Variants in FLT1 observed in about 807,000 individuals in gnomAD.
FLT1 encodes fms related receptor tyrosine kinase 1, also known as vascular endothelial growth factor receptor 1.
A neutral mutation model predicts 156.3 loss-of-function variants in FLT1; 49 were observed. That is an observed-to-expected ratio of 0.31 (90% CI 0.25 to 0.40). The LOEUF is 0.40. Among genes scored for constraint, FLT1 ranks in the 10% least tolerant of loss-of-function variants. FLT1 has a pLI of 1.00. For synonymous variants in FLT1, 594 were observed against 583.8 expected (o/e 1.02, Z -0.25); for missense variants, 1,322 against 1,637.2 (o/e 0.81, Z 3.32).
At chr13:28,386,089 T>C in intron 13 of FLT1, 1 of 1,055,032 alleles carries the variant, frequency 9.5e-7, no homozygotes, top group Non-Finnish European at 1.1e-6. Context: ...AATTATACAG[T>C]ATGAGCTTTC....
chr13:28,321,697 G>T, intron 22 of FLT1, 112 bp from the exon 23 acceptor site: 2 of 1,072,296 alleles, frequency 1.9e-6, no homozygotes, highest in Non-Finnish European at 2.9e-6. Flanking sequence ...ATGCTGTGAA[G>T]GGAGCACCTC....
intron 1 of FLT1, among the ~76,000 whole-genome samples, chr13:28,481,454 C>G (rs1364477116): frequency 6.6e-6 from 1 of 150,484 alleles, no homozygotes; most frequent in Non-Finnish European, 1.5e-5. Flanking sequence ...CACACACACA[C>G]ACACACACAC....
At chr13:28,486,905 G>A (rs975097279) in intron 1 of FLT1, among the ~76,000 whole-genome samples, 1 of 152,232 alleles carries the variant, frequency 6.6e-6, no homozygotes, top group Non-Finnish European at 1.5e-5. Flanking sequence ...CCCCTGGGCA[G>A]AGGTTCTCAA....
intron 1 of FLT1, among the ~76,000 whole-genome samples, chr13:28,483,831 T>A (rs554983522): frequency 1.9e-4 from 29 of 152,228 alleles, no homozygotes; most frequent in Non-Finnish European, 4.0e-4. Context: ...ACAGTTTTTT[T>A]ATTCCAAACC....
intron 10 of FLT1, among the ~76,000 whole-genome samples, chr13:28,410,212 T>A (rs1306691278): frequency 6.6e-6 from 1 of 152,238 alleles, no homozygotes; most frequent in Non-Finnish European, 1.5e-5. Context: ...CCCCTCCCCC[T>A]ACTTAAAGCT....
intron 24 of FLT1, 97 bp downstream of exon 24, chr13:28,319,326 G>A (rs1286850166): frequency 2.5e-6 from 2 of 795,508 alleles, no homozygotes; most frequent in East Asian, 2.7e-5. Flanking sequence ...TGTTACAGTA[G>A]GTTCTAATCT....
chr13:28,392,600 G>A (rs1874807169), intron 12 of FLT1, among the ~76,000 whole-genome samples: 2 of 152,192 alleles, frequency 1.3e-5, no homozygotes, highest in African/African-American at 2.4e-5. Flanking sequence ...GAAACTTCCT[G>A]TGGAAATAGC....
intron 27 of FLT1, 129 bp downstream of exon 27, chr13:28,311,461 T>A: frequency 1.2e-6 from 1 of 837,492 alleles, no homozygotes; most frequent in South Asian, 1.7e-5. Context: ...AATCTTTCTT[T>A]CTTTCTTTCT....
intron 19 of FLT1, chr13:28,328,453 G>A (rs1871783809): frequency 6.6e-6 from 1 of 152,272 alleles, no homozygotes; most frequent in South Asian, 2.1e-4. Context: ...TCAAAGGGGA[G>A]TGACCCCGGA....
At chr13:28,407,992 T>C (rs1052276926) in intron 10 of FLT1, among the ~76,000 whole-genome samples, 2 of 152,196 alleles carry the variant, frequency 1.3e-5, no homozygotes, top group Non-Finnish European at 2.9e-5. Flanking sequence ...TATGAGTGTA[T>C]ATAATGTGCA....
At chr13:28,321,006 C>G (rs932298728) in intron 23 of FLT1, among the ~76,000 whole-genome samples, 1 of 152,166 alleles carries the variant, frequency 6.6e-6, no homozygotes. Flanking sequence ...GGGAGGTAAA[C>G]AGTCTCCTCC....
At chr13:28,412,644 C>A (rs9508027) in intron 10 of FLT1, among the ~76,000 whole-genome samples, 42,885 of 150,976 alleles carry the variant, frequency 0.28, 6,447 homozygotes, top group East Asian at 0.49. Flanking sequence ...TGGTCTCGAA[C>A]TCCTGACCTC....
At chr13:28,412,727 G>A (rs1011290826) in intron 10 of FLT1, among the ~76,000 whole-genome samples, 4 of 121,318 alleles carry the variant, frequency 3.3e-5, no homozygotes, top group Non-Finnish European at 6.6e-5. Context: ...GGCCCCTCAC[G>A]TTCTTTTTTT....
chr13:28,357,116 T>C (rs1371970870), intron 15 of FLT1, among the ~76,000 whole-genome samples: 1 of 152,236 alleles, frequency 6.6e-6, no homozygotes, highest in Admixed American at 6.5e-5. Flanking sequence ...TAGCAGCATA[T>C]GTCTAACTCC....
At chr13:28,479,776 C>A (rs1241582374) in intron 1 of FLT1, among the ~76,000 whole-genome samples, 1 of 152,160 alleles carries the variant, frequency 6.6e-6, no homozygotes, top group Non-Finnish European at 1.5e-5. Flanking sequence ...GGGATATATA[C>A]CCATACACCT....
chr13:28,406,334 G>A (rs1211660450), intron 10 of FLT1, among the ~76,000 whole-genome samples: 2 of 152,102 alleles, frequency 1.3e-5, no homozygotes, highest in Non-Finnish European at 2.9e-5. Context: ...TTTTTCCAGG[G>A]CTAATTAAGT....
At chr13:28,466,030 A>G (rs571104667) in intron 3 of FLT1, among the ~76,000 whole-genome samples, 6 of 152,014 alleles carry the variant, frequency 3.9e-5, no homozygotes, top group Non-Finnish European at 7.4e-5. Flanking sequence ...TGAAGTGCCT[A>G]CTAATATTGC....
intron 14 of FLT1, among the ~76,000 whole-genome samples, chr13:28,372,076 A>ATATATATTTTT (rs1257431752): frequency 1.7e-4 from 2 of 11,758 alleles, no homozygotes; most frequent in African/African-American, 3.2e-4. Context: ...ATATATATAT[A>ATATATATTTTT]TTTTTTTTTT....
At chr13:28,342,671 C>G (rs1451411371) in intron 16 of FLT1, among the ~76,000 whole-genome samples, 1 of 152,160 alleles carries the variant, frequency 6.6e-6, no homozygotes, top group Non-Finnish European at 1.5e-5. Context: ...TAAGGTCCAA[C>G]CATAGTGACT....
Sources: allele counts gnomAD v4.1 joint callset (sites outside exome capture counted in the v4.1 genomes callset), GRCh38; gene constraint gnomAD v4.1.1; transcripts MANE v1.5; gene names NCBI Gene and HGNC (gene_info 2026-07-23, HGNC 2026-07-21).